Variants in PLCB1 observed in about 807,000 individuals in gnomAD.
PLCB1 encodes phospholipase C beta 1.
PLCB1 carries 46 observed loss-of-function variants against 161.8 expected under a neutral mutation model. That is an observed-to-expected ratio of 0.28 (90% CI 0.22 to 0.36). The LOEUF is 0.36. Among genes scored for constraint, PLCB1 ranks in the 10% least tolerant of loss-of-function variants. PLCB1 has a pLI of 1.00. For synonymous variants in PLCB1, 517 were observed against 503.7 expected (o/e 1.03, Z -0.35); for missense variants, 1,016 against 1,472.5 (o/e 0.69, Z 5.07).
chr20:8,861,563 CTACTAAAAA>C (rs1283274706), intron 31 of PLCB1, among the ~76,000 whole-genome samples: 1 of 152,052 alleles, frequency 6.6e-6, no homozygotes, highest in Non-Finnish European at 1.5e-5. Flanking sequence ...AACCCCGTCT[CTACTAAAAA>C]TACAAAAATT....
intron 11 of PLCB1, 146 bp from the exon 12 acceptor site, chr20:8,708,524 C>T: frequency 5.1e-6 from 3 of 591,950 alleles, no homozygotes; most frequent in Non-Finnish European, 9.0e-6. Flanking sequence ...GTCCAGCAGC[C>T]CTCAAAATCC....
chr20:8,348,855 A>G (rs937582483), intron 2 of PLCB1, among the ~76,000 whole-genome samples: 3 of 152,208 alleles, frequency 2.0e-5, no homozygotes, highest in African/African-American at 4.8e-5. Flanking sequence ...TCTTTGCTTA[A>G]AAACAGAAAT....
At chr20:8,277,202 G>C (rs2123276606) in intron 2 of PLCB1, among the ~76,000 whole-genome samples, 1 of 151,446 alleles carries the variant, frequency 6.6e-6, no homozygotes, top group South Asian at 2.1e-4. Context: ...GGTTTACATT[G>C]CATTTCTCCA....
chr20:8,541,361 A>C (rs75342195), intron 3 of PLCB1, among the ~76,000 whole-genome samples: 1 of 152,074 alleles, frequency 6.6e-6, no homozygotes, highest in Non-Finnish European at 1.5e-5. Flanking sequence ...TGAGTAACAT[A>C]GTAGAAAAAA....
At chr20:8,549,359 T>C (rs752604083) in intron 3 of PLCB1, among the ~76,000 whole-genome samples, 3 of 152,194 alleles carry the variant, frequency 2.0e-5, no homozygotes, top group Non-Finnish European at 2.9e-5. Context: ...AGTTCAGGAC[T>C]CATTGGAATG....
rs552044656 is a variant in PLCB1, at chr20:8,821,501, GTA to G, written c.3423+31296_3423+31297del. Among the ~76,000 whole-genome samples the G allele has an allele frequency of 2.6e-4, 11 of 42,396 alleles. 1 individual carries two copies. Among genetic ancestry groups the G allele is most frequent in the African/African-American group, 3.8e-4 (5 of 13,184 alleles). 27.8% of individuals were successfully genotyped at this position (42,396 alleles called of 152,430 possible). The stretch of plus-strand genomic sequence containing the variant: ...TCAAAAAAAAAAAAAAAAAAAATAT[GTA>G]TATATATATATATATATATATATAT... On this transcript the variant is annotated intron_variant, in intron 31 of 31. Transcript: ENST00000338037.
At chr20:8,676,427 A>G (rs1990077897) in intron 9 of PLCB1, among the ~76,000 whole-genome samples, 1 of 151,830 alleles carries the variant, frequency 6.6e-6, no homozygotes, top group South Asian at 2.1e-4. Flanking sequence ...AGAAAGAAAG[A>G]AAGAAAGAGA....
At chr20:8,819,481 G>T (rs1452307396) in intron 31 of PLCB1, among the ~76,000 whole-genome samples, 1 of 152,060 alleles carries the variant, frequency 6.6e-6, no homozygotes, top group African/African-American at 2.4e-5. Flanking sequence ...TATAGAAAAA[G>T]AACAAAATTT....
At position 8,657,256 on chromosome 20, in the gene PLCB1, C is replaced by T. The variant is rs1989488333; in HGVS notation, c.667C>T (p.Pro223Ser). Residue 223 changes from proline (P) to serine (S), a missense_variant, in exon 8 of 32, where the codon CCT becomes TCT. Physicochemically the swap from Pro to Ser is moderately conservative, Grantham distance 74 (BLOSUM62 -1). This residue lies in a region of PLCB1 where 117 missense variants were observed against 142.2 expected (regional missense o/e 0.82). Coordinates refer to ENST00000338037, the MANE Select transcript of PLCB1 (RefSeq NM_015192.4). Reference protein sequence around the residue: ...RVFLNNLCPRPEIDNIFSEFG... With the variant: ...RVFLNNLCPRSEIDNIFSEFG... The stretch of plus-strand genomic sequence containing the variant: ...TTTCCTCAACAACCTTTGCCCTCGA[C>T]CTGAAATTGATAACATCTTTTCAGA... 1.2e-6 allele frequency: 2 copies of T among 1,603,688 alleles called. No individual in the cohort carries two copies. The highest frequency in any genetic ancestry group is 1.1e-5 in the South Asian group (1 of 90,892).
At chr20:8,690,114 T>C (rs1990441030) in intron 10 of PLCB1, among the ~76,000 whole-genome samples, 1 of 145,616 alleles carries the variant, frequency 6.9e-6, no homozygotes. Context: ...CTATGTTAAA[T>C]TGTATTCTCA....
intron 1 of PLCB1, among the ~76,000 whole-genome samples, chr20:8,136,529 G>A (rs1207554582): frequency 6.6e-6 from 1 of 151,962 alleles, no homozygotes; most frequent in African/African-American, 2.4e-5. Flanking sequence ...GGGAGGCTGA[G>A]GCAGGAGAAT....
intron 2 of PLCB1, among the ~76,000 whole-genome samples, chr20:8,151,010 A>G (rs971764460): frequency 6.6e-6 from 1 of 152,214 alleles, no homozygotes; most frequent in Non-Finnish European, 1.5e-5. Context: ...TCTGCTGATC[A>G]TAAGATTTAT....
At chr20:8,425,918 G>C (rs952920249) in intron 3 of PLCB1, among the ~76,000 whole-genome samples, 2 of 151,974 alleles carry the variant, frequency 1.3e-5, no homozygotes, top group Non-Finnish European at 2.9e-5. Context: ...GAGCACTTCT[G>C]TGCTGTTTTT....
rs142501904 is a variant in PLCB1, at chr20:8,632,291, T to C, written c.384+3860T>C. 7.9e-5 allele frequency among the ~76,000 whole-genome samples: 12 copies of C among 152,182 alleles called. No homozygotes were observed. The East Asian group carries it at 2.3e-3, about 29-fold the overall frequency. Reference sequence around the variant, plus strand: ...CTCTTCTGCCAAATGGATATGAGCCTTCAAGCCCGTTGACAGTTTGGGTAC... The same window carrying C: ...CTCTTCTGCCAAATGGATATGAGCCCTCAAGCCCGTTGACAGTTTGGGTAC... On this transcript the variant is annotated intron_variant, in intron 4 of 31. Transcript: ENST00000338037.
intron 2 of PLCB1, among the ~76,000 whole-genome samples, chr20:8,257,336 TGAAAAA>T (rs1298720143): frequency 1.3e-5 from 2 of 151,916 alleles, no homozygotes; most frequent in African/African-American, 4.8e-5. Flanking sequence ...TTAGAGAAAA[TGAAAAA>T]GAAAATTAGA....
At chr20:8,220,025 T>G (rs1295396152) in intron 2 of PLCB1, among the ~76,000 whole-genome samples, 1 of 152,162 alleles carries the variant, frequency 6.6e-6, no homozygotes, top group Non-Finnish European at 1.5e-5. Context: ...AATACATCTT[T>G]GATAAATGAA....
At chr20:8,347,983 A>AG (rs1986050949) in intron 2 of PLCB1, among the ~76,000 whole-genome samples, 1 of 152,170 alleles carries the variant, frequency 6.6e-6, no homozygotes, top group African/African-American at 2.4e-5. Context: ...AAAAAAAGAA[A>AG]AAAAAGAAAA....
At chr20:8,606,700 T>C (rs545894377) in intron 3 of PLCB1, among the ~76,000 whole-genome samples, 1 of 152,346 alleles carries the variant, frequency 6.6e-6, no homozygotes, top group East Asian at 1.9e-4. Context: ...ACTTGATGGC[T>C]TCATAAAATT....
At chr20:8,873,940 T>C (rs1264241869) in intron 31 of PLCB1, among the ~76,000 whole-genome samples, 1 of 152,024 alleles carries the variant, frequency 6.6e-6, no homozygotes, top group East Asian at 1.9e-4. Flanking sequence ...TACCATATTA[T>C]TATTGCTGCC....
Sources: gnomAD v4.1 joint callset for allele counts (sites outside exome capture counted in the v4.1 genomes callset) on GRCh38, gnomAD v4.1.1 for gene constraint, gnomAD v4.1.1 regional missense constraint, MANE v1.5 for transcripts, NCBI Gene and HGNC (gene_info 2026-07-23, HGNC 2026-07-21) for gene names.